The following MICU1 variants were observed in gnomAD, a reference collection of about 807,000 sequenced individuals.
The protein encoded by MICU1 is calcium uptake protein 1, mitochondrial.
MICU1 carries 45 observed loss-of-function variants against 56.8 expected under a neutral mutation model. That is an observed-to-expected ratio of 0.79 (90% confidence interval 0.62 to 1.02). The LOEUF (loss-of-function observed/expected upper bound fraction) is 1.02. Among genes scored for constraint, MICU1 ranks in the 50% least tolerant of loss-of-function variants. The probability of loss-of-function intolerance (pLI) is 0.00; values close to 1 mark genes in which losing one functional copy is unlikely to be tolerated. For synonymous variants in MICU1, 186 were observed against 195.1 expected, an observed-to-expected ratio of 0.95 and a Z score of 0.39; for missense variants, 504 against 587.1, an observed-to-expected ratio of 0.86 and a Z score of 1.46.
chr10:72,577,303 A>T (rs1053886589), intron 1 of MICU1, among the ~76,000 whole-genome samples: 1 of 152,076 alleles, frequency 6.6e-6, no homozygotes, highest in Non-Finnish European at 1.5e-5. Flanking sequence ...TGAGGTCAGA[A>T]GTTCGAGACC....
At chr10:72,458,587 G>A (rs1356648949) in intron 8 of MICU1, among the ~76,000 whole-genome samples, 1 of 152,122 alleles carries the variant, frequency 6.6e-6, no homozygotes, top group Non-Finnish European at 1.5e-5. Flanking sequence ...AGGGTAGAAA[G>A]CTGCAAACAG....
At chr10:72,481,725 C>T (rs1217970580) in intron 6 of MICU1, among the ~76,000 whole-genome samples, 2 of 152,110 alleles carry the variant, frequency 1.3e-5, no homozygotes, top group African/African-American at 2.4e-5. Flanking sequence ...AAAAGGAATT[C>T]TTTTGAATGC....
chr10:72,608,049 T>C (rs1179551501), intron 1 of MICU1, among the ~76,000 whole-genome samples: 2 of 152,132 alleles, frequency 1.3e-5, no homozygotes, highest in Non-Finnish European at 2.9e-5. Context: ...GATTGTTTTT[T>C]CCTTTATACT....
chr10:72,456,988 TTG>T lies in MICU1; in HGVS notation c.933+18110_933+18111del, dbSNP rs1337616330. On this transcript the variant is annotated intron_variant, in intron 8 of 11. Coordinates refer to ENST00000361114, the MANE Select transcript of MICU1 (RefSeq NM_001195518.2). ...GTGTGTGTGTGTGTGTGTGTGTGTT[TTG>T]TTTGTTTGTTTTTGGTAGAAACAAG... is the stretch of plus-strand genomic sequence containing the variant. 4.1e-5 allele frequency among the ~76,000 whole-genome samples: 6 copies of T among 145,968 alleles called. No individual in the cohort carries two copies. The East Asian group carries it at 1.2e-3, about 29-fold the overall frequency.
At chr10:72,405,361 A>C (rs1229348003) in intron 10 of MICU1, among the ~76,000 whole-genome samples, 1 of 152,016 alleles carries the variant, frequency 6.6e-6, no homozygotes, top group Non-Finnish European at 1.5e-5. Context: ...CTGGGATTAC[A>C]GACACCTACC....
chr10:72,590,103 AT>A lies in MICU1; in HGVS notation c.-1-23310del, dbSNP rs1464576085. 2.0e-5 allele frequency among the ~76,000 whole-genome samples: 3 copies of A among 152,286 alleles called. No homozygotes were observed. In the East Asian group the frequency reaches 5.8e-4, roughly 29 times the overall value. On this transcript the variant is annotated intron_variant, in intron 1 of 11. Transcript: ENST00000361114. Reference sequence around the variant, plus strand: ...GGATCAAGCTCTCCAATCAAAAGACATACTGGCAAAACAGATTTTTTTTTAA... The same window carrying A: ...GGATCAAGCTCTCCAATCAAAAGACAACTGGCAAAACAGATTTTTTTTTAA...
In MICU1 at chr10:72,368,070, C is replaced by T; in HGVS notation, c.*125G>A. 1 of 1,042,616 alleles carries T rather than the reference C, an allele frequency of 9.6e-7. No individual in the cohort carries two copies. The highest frequency in any genetic ancestry group is 1.4e-6 in the Non-Finnish European group (1 of 724,314). The allele number at this position is 1,042,616 out of a possible 1,614,324, so 64.6% of individuals were successfully genotyped here. On this transcript the variant is annotated 3_prime_UTR_variant, in exon 12 of 12. Transcript: ENST00000361114. ...GGTAAAGAGGGGAAACCGACAGAGT[C>T]CTGAGGTCATCCCGGGAGGAAGGGG...
intron 1 of MICU1, among the ~76,000 whole-genome samples, chr10:72,623,891 TTTAA>T (rs71021518): frequency 0.58 from 87,635 of 150,250 alleles, 26,817 homozygotes; most frequent in Non-Finnish European, 0.67. Context: ...CCCATCTCCA[TTTAA>T]TTAATTAATT....
At chr10:72,417,789 T>C (rs1864031617) in intron 9 of MICU1, among the ~76,000 whole-genome samples, 2 of 152,214 alleles carry the variant, frequency 1.3e-5, no homozygotes, top group South Asian at 4.1e-4. Context: ...GAGACACTGA[T>C]GGAGCATTGC....
intron 1 of MICU1, among the ~76,000 whole-genome samples, chr10:72,572,767 C>T (rs1423498829): frequency 6.6e-6 from 1 of 152,092 alleles, no homozygotes; most frequent in Admixed American, 6.6e-5. Flanking sequence ...TACTCAGATA[C>T]TTTTCACCCA....
intron 10 of MICU1, among the ~76,000 whole-genome samples, chr10:72,380,445 G>A (rs1862664360): frequency 6.6e-6 from 1 of 152,148 alleles, no homozygotes; most frequent in South Asian, 2.1e-4. Flanking sequence ...CAGAATCCGA[G>A]TTGTGTCAGG....
At chr10:72,565,641 A>T (rs1264511761) in intron 2 of MICU1, among the ~76,000 whole-genome samples, 5 of 27,692 alleles carry the variant, frequency 1.8e-4, no homozygotes, top group African/African-American at 5.5e-4. Context: ...AAGTATAATA[A>T]AAAAAAAAAA....
At chr10:72,394,708 C>A (rs1778556393) in intron 10 of MICU1, among the ~76,000 whole-genome samples, 1 of 152,072 alleles carries the variant, frequency 6.6e-6, no homozygotes, top group Admixed American at 6.5e-5. Context: ...ACAATACCAA[C>A]CACTATAATC....
At chr10:72,395,236 C>T (rs781781855) in intron 10 of MICU1, among the ~76,000 whole-genome samples, 5 of 151,934 alleles carry the variant, frequency 3.3e-5, no homozygotes, top group East Asian at 3.9e-4. Flanking sequence ...AGGATGGTCT[C>T]GATCTCCTGA....
At chr10:72,375,172 G>C (rs1019054020) in intron 11 of MICU1, among the ~76,000 whole-genome samples, 1 of 152,150 alleles carries the variant, frequency 6.6e-6, no homozygotes, top group Non-Finnish European at 1.5e-5. Flanking sequence ...TAGGTCAGAA[G>C]ATTAAATGAG....
intron 8 of MICU1, among the ~76,000 whole-genome samples, chr10:72,465,639 T>C (rs1222949059): frequency 6.8e-6 from 1 of 147,680 alleles, no homozygotes. Flanking sequence ...TCAGCCTCCC[T>C]ACCAGCTGGA....
intron 1 of MICU1, among the ~76,000 whole-genome samples, chr10:72,597,683 T>C (rs941451068): frequency 6.6e-6 from 1 of 152,224 alleles, no homozygotes; most frequent in African/African-American, 2.4e-5. Context: ...TTATGCTTCA[T>C]ATATACCTTA....
intron 1 of MICU1, among the ~76,000 whole-genome samples, chr10:72,576,025 C>T (rs1840733191): frequency 6.6e-6 from 1 of 151,986 alleles, no homozygotes; most frequent in African/African-American, 2.4e-5. Context: ...ATCAGCCTGA[C>T]CAACATGGCA....
intron 1 of MICU1, among the ~76,000 whole-genome samples, chr10:72,597,426 A>AAT (rs1841410134): frequency 6.6e-6 from 1 of 152,162 alleles, no homozygotes; most frequent in African/African-American, 2.4e-5. Context: ...GACTTAAGAC[A>AAT]TTCTTGGGCT....
Sources: allele counts gnomAD v4.1 joint callset (sites outside exome capture counted in the v4.1 genomes callset), GRCh38; gene constraint gnomAD v4.1.1; transcripts MANE v1.5; gene names NCBI Gene and HGNC (gene_info 2026-07-23, HGNC 2026-07-21).